Variants in LRRK1 observed in about 807,000 individuals in gnomAD.
LRRK1 encodes the protein leucine-rich repeat serine/threonine-protein kinase 1.
A neutral mutation model predicts 209.1 loss-of-function variants in LRRK1; 113 were observed. The observed-to-expected ratio is 0.54, with a 90% CI of 0.46 to 0.63. The LOEUF is 0.63. Ranked by LOEUF, LRRK1 falls within the 30% of genes least tolerant of loss-of-function variation. The probability of loss-of-function intolerance (pLI) is 0.00; values close to 1 mark genes in which losing one functional copy is unlikely to be tolerated. For missense variants in LRRK1, 2,284 were observed against 2,632.2 expected (o/e 0.87, Z 2.89); for synonymous variants, 1,144 against 1,099.7 (o/e 1.04, Z -0.80).
At chr15:101,046,924 C>G (rs899642294) in intron 21 of LRRK1, among the ~76,000 whole-genome samples, 1 of 152,164 alleles carries the variant, frequency 6.6e-6, no homozygotes, top group African/African-American at 2.4e-5. Context: ...TGGTGTTTTT[C>G]AAAGTGGGGT....
At chr15:101,059,643 G>T (rs555828049) in intron 29 of LRRK1, among the ~76,000 whole-genome samples, 2 of 150,238 alleles carry the variant, frequency 1.3e-5, no homozygotes, top group East Asian at 3.9e-4. Flanking sequence ...AGTCGGGTAA[G>T]TAAAAGCCTG....
intron 12 of LRRK1, 62 bp from the exon 13 acceptor site, chr15:101,020,991 C>T: frequency 6.3e-7 from 1 of 1,599,438 alleles, no homozygotes; most frequent in South Asian, 1.1e-5. Context: ...CCCACCTGGT[C>T]ACCACGCTGT....
intron 20 of LRRK1, among the ~76,000 whole-genome samples, chr15:101,042,866 A>G (rs57102231): frequency 0.065 from 9,920 of 152,228 alleles, 1,072 homozygotes; most frequent in African/African-American, 0.23. Context: ...CCTCTGTGCT[A>G]CCCATTGCCA....
intron 6 of LRRK1, among the ~76,000 whole-genome samples, chr15:100,991,201 G>A (rs1596244995): frequency 6.6e-6 from 1 of 152,244 alleles, no homozygotes; most frequent in Middle Eastern, 3.4e-3. Context: ...CTATTAATCT[G>A]TTTCTGGCAA....
intron 2 of LRRK1, among the ~76,000 whole-genome samples, chr15:100,958,632 C>G (rs1405896815): frequency 6.6e-6 from 1 of 152,198 alleles, no homozygotes; most frequent in Admixed American, 6.5e-5. Flanking sequence ...GGCCAAATTT[C>G]TAACTTAACT....
chr15:101,051,076 A>G (rs2035403867), intron 23 of LRRK1, among the ~76,000 whole-genome samples: 1 of 152,168 alleles, frequency 6.6e-6, no homozygotes, highest in Admixed American at 6.5e-5. Flanking sequence ...GATGCCTTAC[A>G]CATGGACCTG....
At chr15:100,966,423 A>G (rs1179842370) in intron 2 of LRRK1, among the ~76,000 whole-genome samples, 5 of 152,224 alleles carry the variant, frequency 3.3e-5, no homozygotes, top group Non-Finnish European at 5.9e-5. Flanking sequence ...TGAAGCAGTC[A>G]TATATTCCCA....
intron 7 of LRRK1, 86 bp downstream of exon 7, chr15:101,009,149 G>A: frequency 9.2e-7 from 1 of 1,081,466 alleles, no homozygotes; most frequent in Non-Finnish European, 1.4e-6. Context: ...TGTATTTTGT[G>A]GTTTTGGGGG....
Position 100,989,327 on chromosome 15 carries a change from C to G in LRRK1, c.691C>G (p.Pro231Ala), listed in dbSNP as rs755289273. The G allele has an allele frequency of 6.2e-7, 1 of 1,613,982 alleles. No homozygotes were observed. The highest frequency in any genetic ancestry group is 8.5e-7 in the Non-Finnish European group (1 of 1,179,840). ...CTACATCTTGCTGGATAGTCCTGAC[C>G]CCAGCAAACATCTGCTGAGAAAGTA... ...CSYILLDSPDPSKHLLRKYFI... is the reference protein window; with the variant it reads ...CSYILLDSPDASKHLLRKYFI... The change falls in exon 6 of 34, where the codon CCC becomes GCC. Residue 231 changes from proline to alanine, a missense_variant. Around this residue, in one of 6 missense-constraint regions of LRRK1, gnomAD observed 134 missense variants for 191.7 expected, o/e 0.70. Coordinates refer to ENST00000388948, the MANE Select transcript of LRRK1 (RefSeq NM_024652.6).
chr15:100,954,249 T>A (rs890641474), intron 2 of LRRK1, among the ~76,000 whole-genome samples: 4 of 152,170 alleles, frequency 2.6e-5, no homozygotes, highest in African/African-American at 9.7e-5. Flanking sequence ...CCCTGATGAT[T>A]AGACGTGCCG....
rs2036879912 is a variant in LRRK1 at position 101,073,579 on chromosome 15, T to G, written c.*4731T>G. ...CTCATATCTCTGCGCCCCAATCCCTTATTTCTGTGCCCCAACCTCTTATCT... is the reference window on the plus strand; with the variant it reads ...CTCATATCTCTGCGCCCCAATCCCTGATTTCTGTGCCCCAACCTCTTATCT... On this transcript the variant is annotated 3_prime_UTR_variant, in exon 34 of 34. Coordinates refer to ENST00000388948, the MANE Select transcript of LRRK1 (RefSeq NM_024652.6). 6.6e-6 allele frequency: 1 copy of G among 152,042 alleles called. No individual in the cohort carries two copies. The highest frequency in any genetic ancestry group is 2.4e-5 in the African/African-American group (1 of 41,364). 9.4% of individuals were successfully genotyped at this position (152,042 alleles called of 1,614,324 possible). A position where few individuals can be genotyped will look rare whatever the true frequency, so the allele number is the denominator to read the frequency against.
intron 3 of LRRK1, among the ~76,000 whole-genome samples, chr15:100,975,385 G>A (rs1302171663): frequency 6.6e-6 from 1 of 152,250 alleles, no homozygotes; most frequent in Non-Finnish European, 1.5e-5. Flanking sequence ...TTCATCCTGA[G>A]GGTGGAAAAG....
At chr15:100,958,589 T>C (rs1042241792) in intron 2 of LRRK1, among the ~76,000 whole-genome samples, 2 of 152,228 alleles carry the variant, frequency 1.3e-5, no homozygotes, top group Non-Finnish European at 2.9e-5. Flanking sequence ...AGGAATAAGA[T>C]AGAAACCCCA....
At position 100,951,256 on chromosome 15, in the gene LRRK1, A is replaced by G. The variant is rs8023608; in HGVS notation, c.98-22548A>G. 8.9e-3 allele frequency among the ~76,000 whole-genome samples: 1,355 copies of G among 152,348 alleles called. 20 individuals carry two copies. Among genetic ancestry groups the G allele is most frequent in the African/African-American group, 0.031 (1,290 of 41,576 alleles). On this transcript the variant is annotated intron_variant, in intron 2 of 33. Transcript: ENST00000388948. ...ACCATGAGATACCACTTCACACCCA[A>G]CAGAAAGGACAACAGAAAGACAGAT...
intron 9 of LRRK1, 66 bp from the exon 10 acceptor site, chr15:101,011,942 C>A: frequency 8.5e-7 from 1 of 1,176,736 alleles, no homozygotes; most frequent in South Asian, 1.4e-5. Flanking sequence ...TGGAAACAGT[C>A]TCAAAGGCAC....
chr15:101,021,803 T>C, intron 13 of LRRK1, 42 bp from the exon 14 acceptor site: 1 of 996,832 alleles, frequency 1.0e-6, no homozygotes, highest in Non-Finnish European at 1.6e-6. Flanking sequence ...TGTGTGTGTG[T>C]GTGTGTGTGT....
chr15:100,921,969 C>T (rs1042101247), intron 1 of LRRK1, among the ~76,000 whole-genome samples: 34 of 152,322 alleles, frequency 2.2e-4, no homozygotes, highest in African/African-American at 6.3e-4. Context: ...CCACTCTCCT[C>T]GGCCTCCCAA....
chr15:101,020,826 C>G (rs776055308), intron 12 of LRRK1, among the ~76,000 whole-genome samples: 3 of 152,210 alleles, frequency 2.0e-5, no homozygotes, highest in Non-Finnish European at 4.4e-5. Context: ...GTAGATTGTC[C>G]TCTATCTCTG....
At chr15:101,055,614 C>T (rs372714437) in intron 27 of LRRK1, among the ~76,000 whole-genome samples, 90 of 152,256 alleles carry the variant, frequency 5.9e-4, no homozygotes, top group South Asian at 2.5e-3. Context: ...AGAATAAGGA[C>T]GGTAAAGACC....
Sources: gnomAD v4.1 joint callset for allele counts (sites outside exome capture counted in the v4.1 genomes callset) on GRCh38, gnomAD v4.1.1 for gene constraint, gnomAD v4.1.1 regional missense constraint, MANE v1.5 for transcripts, NCBI Gene and HGNC (gene_info 2026-07-23, HGNC 2026-07-21) for gene names.